HERC3: variants seen among roughly 807,000 people sequenced by gnomAD.
HERC3 encodes HECT and RLD domain containing E3 ubiquitin protein ligase 3.
In HERC3, 58 loss-of-function variants were observed where a neutral mutation model predicts 129.9. That is an observed-to-expected ratio of 0.45 (90% CI 0.36 to 0.56). HERC3 has a LOEUF of 0.56. Among genes scored for constraint, HERC3 ranks in the 20% least tolerant of loss-of-function variants. The pLI is 0.00. For synonymous variants in HERC3, 430 were observed against 451.0 expected, an observed-to-expected ratio of 0.95 and a Z score of 0.59; for missense variants, 835 against 1,244.2, an observed-to-expected ratio of 0.67 and a Z score of 4.95.
chr4:88,603,132 G>C (rs934685807), intron 2 of HERC3, among the ~76,000 whole-genome samples: 2 of 151,484 alleles, frequency 1.3e-5, no homozygotes, highest in Non-Finnish European at 2.9e-5. Flanking sequence ...GCTGTTCTCT[G>C]CCACGGAGAA....
Position 88,681,195 on chromosome 4 carries a change from A to T in HERC3, c.2377A>T (p.Ile793Leu). ...GCACAACTGGTTTCACTTGATTGGT[A>T]TAACCTGTGGACTAGCTATCTACAA... is the stretch of plus-strand genomic sequence containing the variant. ...VEHNWFHLIGITCGLAIYNST... is the reference protein window; with the variant it reads ...VEHNWFHLIGLTCGLAIYNST... The change falls in exon 21 of 26, where the codon ATA becomes TTA. Residue 793 changes from isoleucine (I) to leucine (L), a missense_variant. Physicochemically the swap from Ile to Leu is conservative, Grantham distance 5. Coordinates refer to ENST00000402738, the MANE Select transcript of HERC3 (RefSeq NM_014606.3). The T allele has an allele frequency of 6.2e-7, 1 of 1,614,044 alleles. No individual in the cohort carries two copies. The highest frequency in any genetic ancestry group is 8.5e-7 in the Non-Finnish European group (1 of 1,179,942).
chr4:88,555,385 A>G, the HERC3 span, among the ~76,000 whole-genome samples: 1 of 152,212 alleles, frequency 6.6e-6, no homozygotes, highest in Non-Finnish European at 1.5e-5. Flanking sequence ...CGACAATTTA[A>G]ATGTAGTGGA....
At chr4:88,692,339 C>T (rs979432278) in intron 23 of HERC3, among the ~76,000 whole-genome samples, 3 of 146,938 alleles carry the variant, frequency 2.0e-5, no homozygotes, top group Non-Finnish European at 4.5e-5. Flanking sequence ...AAACAGATGA[C>T]ACACACATGG....
At chr4:88,636,118 A>G (rs1299166605) in intron 3 of HERC3, among the ~76,000 whole-genome samples, 2 of 152,218 alleles carry the variant, frequency 1.3e-5, no homozygotes, top group Non-Finnish European at 2.9e-5. Flanking sequence ...AGCTAGCGTC[A>G]TGATGACAGG....
chr4:88,676,248 G>T lies in HERC3; in HGVS notation c.1935+7G>T. Reference sequence around the variant, plus strand: ...TAGACCATCAATAATACAGGTAAATGATCCTTTTTAAATTTGCTTTTATAT... The same window carrying T: ...TAGACCATCAATAATACAGGTAAATTATCCTTTTTAAATTTGCTTTTATAT... On this transcript the variant is annotated splice_region_variant and intron_variant, in intron 17 of 25. Transcript: ENST00000402738. 6.4e-7 allele frequency: 1 copy of T among 1,569,694 alleles called. No homozygotes were observed. The highest frequency in any genetic ancestry group is 1.1e-5 in the South Asian group (1 of 89,944).
At chr4:88,680,366 G>A in intron 20 of HERC3, 130 bp downstream of exon 20, 1 of 642,288 alleles carries the variant, frequency 1.6e-6, no homozygotes, top group Non-Finnish European at 2.4e-6. Flanking sequence ...ATGTTTATAA[G>A]TAATTAAAAT....
chr4:88,693,437 T>TA (rs945048593), intron 23 of HERC3: 304 of 949,514 alleles, frequency 3.2e-4, no homozygotes, highest in Middle Eastern at 5.4e-4. Flanking sequence ...GTGTATTCTT[T>TA]AAAAAAAAAG....
chr4:88,540,300 C>A, the HERC3 span, among the ~76,000 whole-genome samples: 1 of 152,172 alleles, frequency 6.6e-6, no homozygotes, highest in South Asian at 2.1e-4. Context: ...GTGACACACA[C>A]AACAAGCTTC....
the HERC3 span, among the ~76,000 whole-genome samples, chr4:88,563,759 A>G: frequency 4.4e-4 from 67 of 151,746 alleles, no homozygotes; most frequent in Non-Finnish European, 7.5e-4. Context: ...TCCTGGGTTC[A>G]AGCAATTCTC....
At chr4:88,567,876 T>A in the HERC3 span, among the ~76,000 whole-genome samples, 4 of 152,204 alleles carry the variant, frequency 2.6e-5, no homozygotes, top group Non-Finnish European at 4.4e-5. Context: ...TGAAAAGCTA[T>A]GTATTTATTT....
chr4:88,641,874 T>G (rs992899976), intron 3 of HERC3, among the ~76,000 whole-genome samples: 1 of 151,932 alleles, frequency 6.6e-6, no homozygotes, highest in Non-Finnish European at 1.5e-5. Context: ...TCCCAGCACT[T>G]TGGGAGGCTG....
intron 3 of HERC3, among the ~76,000 whole-genome samples, chr4:88,633,272 G>T (rs1408593918): frequency 6.6e-6 from 1 of 152,172 alleles, no homozygotes; most frequent in Non-Finnish European, 1.5e-5. Context: ...AGAAGGAATA[G>T]TGGCACATCA....
At chr4:88,690,034 A>G in intron 23 of HERC3, 1 of 985,370 alleles carries the variant, frequency 1.0e-6, no homozygotes, top group African/African-American at 1.7e-5. Context: ...GAAATGATGC[A>G]GAAGCCACCC....
intron 3 of HERC3, among the ~76,000 whole-genome samples, chr4:88,607,563 C>T (rs971853907): frequency 2.6e-5 from 4 of 152,098 alleles, no homozygotes; most frequent in Admixed American, 6.5e-5. Context: ...TCCCAGGCTG[C>T]AGATATCCTC....
At chr4:88,626,741 TA>T (rs1265614517) in intron 3 of HERC3, among the ~76,000 whole-genome samples, 1 of 152,172 alleles carries the variant, frequency 6.6e-6, no homozygotes, top group Non-Finnish European at 1.5e-5. Flanking sequence ...CTTATCCTCT[TA>T]GTGTCTGTAA....
chr4:88,626,203 T>G (rs1390765325), intron 3 of HERC3, among the ~76,000 whole-genome samples: 4 of 152,058 alleles, frequency 2.6e-5, no homozygotes, highest in Admixed American at 2.6e-4. Flanking sequence ...TTTCTTTCTT[T>G]CCTTTTCCTT....
intron 2 of HERC3, among the ~76,000 whole-genome samples, chr4:88,603,196 C>T (rs1265066733): frequency 1.3e-5 from 2 of 150,552 alleles, no homozygotes; most frequent in Admixed American, 6.6e-5. Context: ...AGGCTTCAAT[C>T]GCTTTCTCTT....
At chr4:88,636,303 T>A (rs1383695782) in intron 3 of HERC3, among the ~76,000 whole-genome samples, 1 of 151,930 alleles carries the variant, frequency 6.6e-6, no homozygotes, top group East Asian at 1.9e-4. Context: ...TGGAGGAAAA[T>A]GTATCCAGCA....
At chr4:88,637,699 A>T (rs1436477114) in intron 3 of HERC3, among the ~76,000 whole-genome samples, 3 of 152,226 alleles carry the variant, frequency 2.0e-5, no homozygotes, top group African/African-American at 7.2e-5. Flanking sequence ...TAGAGAAGCA[A>T]GAGCAAACAA....
Sources: gnomAD v4.1 joint callset for allele counts (sites outside exome capture counted in the v4.1 genomes callset) on GRCh38, gnomAD v4.1.1 for gene constraint, MANE v1.5 for transcripts, NCBI Gene and HGNC (gene_info 2026-07-23, HGNC 2026-07-21) for gene names.